MLLT3: variants seen among roughly 807,000 people sequenced by gnomAD.
The protein encoded by MLLT3 is MLLT3 super elongation complex subunit.
In MLLT3, 4 loss-of-function variants were observed where a neutral mutation model predicts 53.2. The ratio of observed to expected loss-of-function variants is 0.08; its 90% CI spans 0.04 to 0.17. The LOEUF is 0.17. Ranked by LOEUF, MLLT3 falls within the 10% of genes least tolerant of loss-of-function variation. The probability of loss-of-function intolerance (pLI) is 1.00; values close to 1 mark genes in which losing one functional copy is unlikely to be tolerated. For missense variants in MLLT3, 569 were observed against 684.0 expected, an observed-to-expected ratio of 0.83 and a Z score of 1.87; for synonymous variants, 283 against 230.6, an observed-to-expected ratio of 1.23 and a Z score of -2.06.
intron 2 of MLLT3, among the ~76,000 whole-genome samples, chr9:20,595,948 C>A (rs989266860): frequency 1.3e-5 from 2 of 152,144 alleles, no homozygotes; most frequent in Non-Finnish European, 2.9e-5. Flanking sequence ...TGGCAAGTGA[C>A]TGAGGAATTA....
At position 20,366,295 on chromosome 9, in the gene MLLT3, G is replaced by A. The variant is rs189467599; in HGVS notation, c.1126-551C>T. Reference sequence around the variant, plus strand: ...CTCTTCACTTATGAGAACATGCGGTGTTTGGTTTTCTGTTCCTGTGTTAGT... The same window carrying A: ...CTCTTCACTTATGAGAACATGCGGTATTTGGTTTTCTGTTCCTGTGTTAGT... On this transcript the variant is annotated intron_variant, in intron 5 of 10. Coordinates refer to ENST00000380338, the MANE Select transcript of MLLT3 (RefSeq NM_004529.4). 2.3e-3 allele frequency among the ~76,000 whole-genome samples: 352 copies of A among 152,274 alleles called. 2 individuals are homozygous for A. The highest frequency in any genetic ancestry group is 0.021 in the Admixed American group (318 of 15,294).
intron 2 of MLLT3, among the ~76,000 whole-genome samples, chr9:20,587,362 T>G (rs1819999174): frequency 6.6e-6 from 1 of 152,136 alleles, no homozygotes; most frequent in Admixed American, 6.5e-5. Context: ...TCTCTCCTCA[T>G]TTTACAGATA....
chr9:20,561,037 C>A (rs578151901), intron 2 of MLLT3, among the ~76,000 whole-genome samples: 30 of 152,238 alleles, frequency 2.0e-4, no homozygotes, highest in African/African-American at 6.5e-4. Flanking sequence ...AATGTTATAA[C>A]TGAAAAGCAA....
chr9:20,524,297 A>G (rs1268881538), intron 2 of MLLT3, among the ~76,000 whole-genome samples: 2 of 151,950 alleles, frequency 1.3e-5, no homozygotes, highest in Non-Finnish European at 2.9e-5. Flanking sequence ...AATTTTTAAA[A>G]AGTAAGTGTT....
intron 2 of MLLT3, among the ~76,000 whole-genome samples, chr9:20,512,234 C>G (rs747628109): frequency 1.8e-4 from 28 of 152,330 alleles, no homozygotes; most frequent in Non-Finnish European, 3.7e-4. Context: ...GGCTCCTGAT[C>G]TGAAATTCCA....
intron 4 of MLLT3, among the ~76,000 whole-genome samples, chr9:20,419,071 G>T (rs1419292542): frequency 6.6e-6 from 1 of 152,056 alleles, no homozygotes; most frequent in Non-Finnish European, 1.5e-5. Context: ...AAGGGTGGGA[G>T]GAAATAGGAG....
intron 4 of MLLT3, among the ~76,000 whole-genome samples, chr9:20,447,162 C>T (rs1823726532): frequency 2.0e-5 from 3 of 151,988 alleles, no homozygotes; most frequent in Admixed American, 2.0e-4. Context: ...TTCATGTATC[C>T]AATAAAGAAA....
At chr9:20,499,981 G>A (rs1825178217) in intron 2 of MLLT3, among the ~76,000 whole-genome samples, 1 of 152,166 alleles carries the variant, frequency 6.6e-6, no homozygotes. Flanking sequence ...TTCCATCCCT[G>A]TCTTCCTTCA....
chr9:20,403,128 A>C lies in MLLT3; in HGVS notation c.1125+10593T>G, dbSNP rs537915618. On this transcript the variant is annotated intron_variant, in intron 5 of 10. Coordinates refer to ENST00000380338, the MANE Select transcript of MLLT3 (RefSeq NM_004529.4). Reference sequence around the variant, plus strand: ...CGAGGGCCCCCTTTTAAAAAAAAAAAAACAATGAGACCCCTAGGATCTTGG... The same window carrying C: ...CGAGGGCCCCCTTTTAAAAAAAAAACAACAATGAGACCCCTAGGATCTTGG... Among the ~76,000 whole-genome samples the C allele has an allele frequency of 4.7e-4, 71 of 152,144 alleles. 2 individuals are homozygous for C. The highest frequency in any genetic ancestry group is 7.4e-5 in the Non-Finnish European group (5 of 67,994).
At chr9:20,561,322 A>T (rs538232099) in intron 2 of MLLT3, among the ~76,000 whole-genome samples, 1 of 152,310 alleles carries the variant, frequency 6.6e-6, no homozygotes, top group Admixed American at 6.5e-5. Context: ...TTTTAAAAAT[A>T]GCAATCAAGA....
In MLLT3 at chr9:20,620,006, G is replaced by A. The variant is rs1820952487; in HGVS notation, c.193+648C>T. Among the ~76,000 whole-genome samples, 1 of 152,150 alleles carries A rather than the reference G, an allele frequency of 6.6e-6. No individual in the cohort carries two copies. Among genetic ancestry groups the A allele is most frequent in the African/African-American group, 2.4e-5 (1 of 41,428 alleles). ...CTCAGAATCAAAGGAGCAGTCAAGT[G>A]GCACGCGGGGGTGGGAGGGAGGAAC... is the stretch of plus-strand genomic sequence containing the variant. On this transcript the variant is annotated intron_variant, in intron 2 of 10. Coordinates refer to ENST00000380338, the MANE Select transcript of MLLT3 (RefSeq NM_004529.4). The surrounding 1 kb of genome is among the most constrained non-coding windows in gnomAD (Gnocchi z 6.1).
At chr9:20,571,278 C>T (rs1819525933) in intron 2 of MLLT3, among the ~76,000 whole-genome samples, 1 of 152,202 alleles carries the variant, frequency 6.6e-6, no homozygotes. Context: ...AACTAAACTT[C>T]TGCATAGTGT....
intron 5 of MLLT3, among the ~76,000 whole-genome samples, chr9:20,375,319 C>A (rs548138760): frequency 6.6e-6 from 1 of 152,270 alleles, no homozygotes; most frequent in East Asian, 1.9e-4. Context: ...CAACTATTAA[C>A]TTTGAAAAAG....
intron 2 of MLLT3, among the ~76,000 whole-genome samples, chr9:20,520,665 T>C (rs1226340452): frequency 6.6e-6 from 1 of 152,196 alleles, no homozygotes; most frequent in Non-Finnish European, 1.5e-5. Flanking sequence ...TGGGAGACAG[T>C]ACAGACTTCC....
In MLLT3 at chr9:20,621,958, C is replaced by A. The variant is rs539535011; in HGVS notation, c.12+287G>T. 3 of 1,391,758 alleles carry A rather than the reference C, an allele frequency of 2.2e-6. No individual in the cohort carries two copies. Among genetic ancestry groups the A allele is most frequent in the East Asian group, 5.8e-5 (2 of 34,618 alleles). 86.2% of individuals were successfully genotyped at this position (1,391,758 alleles called of 1,614,324 possible). A position where few individuals can be genotyped will look rare whatever the true frequency, so the allele number is the denominator to read the frequency against. On this transcript the variant is annotated intron_variant, in intron 1 of 10. Transcript: ENST00000380338. This position sits in a 1 kb window ranked among gnomAD's most constrained non-coding sequence, Gnocchi z 7.0. ...GTGAGCGAGAGGGAGTGTGTGAGTGCGCTTCTTGTGACTGCAAAGAGGCGA... is the reference window on the plus strand; with the variant it reads ...GTGAGCGAGAGGGAGTGTGTGAGTGAGCTTCTTGTGACTGCAAAGAGGCGA...
chr9:20,539,309 T>C (rs1259987472), intron 2 of MLLT3, among the ~76,000 whole-genome samples: 2 of 152,242 alleles, frequency 1.3e-5, no homozygotes, highest in African/African-American at 2.4e-5. Flanking sequence ...ACATTTGTTG[T>C]AATTTCAACA....
In MLLT3 at chr9:20,620,664, C is replaced by T. The variant is rs1258869417; in HGVS notation, c.183G>A (p.Arg61=). 1.1e-5 allele frequency: 17 copies of T among 1,612,086 alleles called. No individual in the cohort carries two copies. The highest frequency in any genetic ancestry group is 1.4e-5 in the Non-Finnish European group (17 of 1,179,312). The part of the protein sequence containing the change: ...VVFHLHESFP[R]PKRVCKDPPY... ...GTATTCGAGCCCTACCTCTTTTTGG[C>T]CTAGGAAAGCTTTCGTGCAAGTGGA... The change falls in exon 2 of 11, where the codon AGG becomes AGA. Residue 61 remains arginine (R), a synonymous_variant. Coordinates refer to ENST00000380338, the MANE Select transcript of MLLT3 (RefSeq NM_004529.4). The surrounding 1 kb of genome is among the most constrained non-coding windows in gnomAD (Gnocchi z 6.1).
chr9:20,375,351 T>A (rs908294745), intron 5 of MLLT3, among the ~76,000 whole-genome samples: 1 of 152,232 alleles, frequency 6.6e-6, no homozygotes, highest in African/African-American at 2.4e-5. Context: ...TAAAGCAGTG[T>A]TCTGAACATA....
chr9:20,470,833 T>TAAA (rs1824371966), intron 2 of MLLT3, among the ~76,000 whole-genome samples: 3 of 152,006 alleles, frequency 2.0e-5, no homozygotes, highest in Admixed American at 2.0e-4. Context: ...AATACATGCA[T>TAAA]TTGCTCTCAC....
Sources: allele counts gnomAD v4.1 joint callset (sites outside exome capture counted in the v4.1 genomes callset), GRCh38; gene constraint gnomAD v4.1.1; non-coding constraint Gnocchi (gnomAD v3.1); transcripts MANE v1.5; gene names NCBI Gene and HGNC (gene_info 2026-07-23, HGNC 2026-07-21).